Variants in ADGRG1 observed in about 807,000 individuals in gnomAD.
The protein encoded by ADGRG1 is 7-transmembrane protein with no EGF-like N-terminal domains-1.
In ADGRG1, 53 loss-of-function variants were observed where a neutral mutation model predicts 73.5. The observed-to-expected ratio is 0.72, with a 90% CI of 0.58 to 0.91. The LOEUF is 0.91. Ranked by LOEUF, ADGRG1 falls within the 40% of genes least tolerant of loss-of-function variation. The pLI is 0.00. For synonymous variants in ADGRG1, 394 were observed against 374.4 expected (o/e 1.05, Z -0.60); for missense variants, 795 against 871.8 (o/e 0.91, Z 1.11).
intron 1 of ADGRG1, among the ~76,000 whole-genome samples, chr16:57,634,779 G>C (rs1026756639): frequency 2.6e-5 from 4 of 152,218 alleles, no homozygotes; most frequent in Non-Finnish European, 5.9e-5. Flanking sequence ...AGCTTTCCTA[G>C]CCTTGGGGGA....
chr16:57,625,790 C>CA (rs1223526981), upstream of ADGRG1: 8 of 356,954 alleles, frequency 2.2e-5, no homozygotes, highest in Non-Finnish European at 2.7e-5. Context: ...TCTACACTTT[C>CA]AAAATCTTCC....
chr16:57,621,432 A>G (rs572776786), intron 2 of ADGRG1: 1 of 151,052 alleles, frequency 6.6e-6, no homozygotes, highest in East Asian at 2.0e-4. Context: ...TGATTCTCCC[A>G]GTGGGAAGTC....
At chr16:57,621,903 G>T in intron 2 of ADGRG1, 3 of 983,030 alleles carry the variant, frequency 3.1e-6, no homozygotes, top group African/African-American at 1.7e-5. Context: ...AGGAAGGGAG[G>T]TTTCTACAGA....
At chr16:57,647,365 A>T (rs2042942119) in intron 1 of ADGRG1, 1 of 982,276 alleles carries the variant, frequency 1.0e-6, no homozygotes, top group Non-Finnish European at 1.2e-6. Context: ...GCCGTACGGG[A>T]AGAGGGGGAA....
chr16:57,653,254 A>G lies in ADGRG1; in HGVS notation c.539A>G (p.Lys180Arg). Reference sequence around the variant, plus strand: ...GCCTCGGTGGACATGTGCGAGCTCAAAAGGGACCTCCAGCTGCTCAGCCAG... The same window carrying G: ...GCCTCGGTGGACATGTGCGAGCTCAGAAGGGACCTCCAGCTGCTCAGCCAG... ...HNASVDMCELKRDLQLLSQFL... is the reference protein window; with the variant it reads ...HNASVDMCELRRDLQLLSQFL... Residue 180 changes from lysine (K) to arginine (R), a missense_variant, in exon 4 of 14, where the codon AAA becomes AGA. By Grantham distance (26) the Lys-to-Arg change is conservative. Transcript: ENST00000562631. The G allele has an allele frequency of 5.6e-6, 9 of 1,612,896 alleles. No homozygotes were observed. The highest frequency in any genetic ancestry group is 1.7e-4 in the Middle Eastern group (1 of 6,060).
Position 57,656,537 on chromosome 16 carries a change from A to G in ADGRG1, c.1087A>G (p.Ser363Gly). 1 of 1,613,732 alleles carries G rather than the reference A, an allele frequency of 6.2e-7. No individual in the cohort carries two copies. The highest frequency in any genetic ancestry group is 8.5e-7 in the Non-Finnish European group (1 of 1,179,662). ...PTLSSPGHWSSAGCETVRRET... is the reference protein window; with the variant it reads ...PTLSSPGHWSGAGCETVRRET... The stretch of plus-strand genomic sequence containing the variant: ...AGTGAGCAGCCCGGGGCATTGGAGC[A>G]GTGCTGGGTGTGAGACCGTCAGGAG... Residue 363 changes from serine (S) to glycine (G), a missense_variant, in exon 9 of 14, where the codon AGT (serine) becomes GGT (glycine). By Grantham distance (56) the Ser-to-Gly change is moderately conservative. Coordinates refer to ENST00000562631, the MANE Select transcript of ADGRG1 (RefSeq NM_201525.4).
chr16:57,630,002 G>A (rs1017481742), intron 1 of ADGRG1: 55 of 985,176 alleles, frequency 5.6e-5, no homozygotes, highest in South Asian at 5.2e-4. Flanking sequence ...TGGGGTCCAC[G>A]GGCTGTGTAG....
chr16:57,637,387 G>A (rs994912741), intron 1 of ADGRG1: 2 of 985,026 alleles, frequency 2.0e-6, no homozygotes, highest in Admixed American at 6.1e-5. Flanking sequence ...TGGGGAAGCT[G>A]TGCCTCTGTT....
chr16:57,663,860 G>A lies in ADGRG1; in HGVS notation c.*278G>A. ...CTGTCCCCACATCTGTCCCAACCCAGCTGGAGGCCTGGTCTCTCCTTACAA... is the reference window on the plus strand; with the variant it reads ...CTGTCCCCACATCTGTCCCAACCCAACTGGAGGCCTGGTCTCTCCTTACAA... On this transcript the variant is annotated 3_prime_UTR_variant, in exon 14 of 14. Coordinates refer to ENST00000562631, the MANE Select transcript of ADGRG1 (RefSeq NM_201525.4). 1.9e-6 allele frequency: 1 copy of A among 525,682 alleles called. No homozygotes were observed. The highest frequency in any genetic ancestry group is 3.5e-6 in the Non-Finnish European group (1 of 289,754). 32.6% of individuals were successfully genotyped at this position (525,682 alleles called of 1,614,324 possible).
intron 13 of ADGRG1, chr16:57,662,920 G>A (rs1399299136): frequency 2.0e-6 from 2 of 985,240 alleles, no homozygotes; most frequent in African/African-American, 3.5e-5. Context: ...CCCTAGAATG[G>A]GAGCTGGGAG....
chr16:57,634,392 G>A (rs2038828180), intron 1 of ADGRG1: 2 of 985,440 alleles, frequency 2.0e-6, no homozygotes, highest in Non-Finnish European at 2.4e-6. Context: ...CTCCTCTGCT[G>A]TGTCACCATC....
At chr16:57,637,647 T>C in intron 1 of ADGRG1, 1 of 985,362 alleles carries the variant, frequency 1.0e-6, no homozygotes, top group Non-Finnish European at 1.2e-6. Flanking sequence ...GGGCCAAAAA[T>C]AGGGCCTGAA....
At chr16:57,632,928 C>T (rs766769656) in intron 1 of ADGRG1, 16 of 985,306 alleles carry the variant, frequency 1.6e-5, no homozygotes, top group Admixed American at 6.1e-5. Context: ...TTCCCAGACT[C>T]GGGGCCACTT....
intron 12 of ADGRG1, chr16:57,661,347 C>T (rs2047040277): frequency 1.0e-6 from 1 of 985,128 alleles, no homozygotes; most frequent in Non-Finnish European, 1.2e-6. Context: ...GCGGCCCTGC[C>T]TGTGGATCCC....
At chr16:57,661,657 G>T (rs111888834) in intron 12 of ADGRG1, 40 bp from the exon 13 acceptor site, 1 of 1,595,258 alleles carries the variant, frequency 6.3e-7, no homozygotes, top group Non-Finnish European at 8.5e-7. Flanking sequence ...AATGCTGCCC[G>T]TGCTGGCCAC....
intron 1 of ADGRG1, among the ~76,000 whole-genome samples, chr16:57,649,018 G>A (rs2148129785): frequency 6.6e-6 from 1 of 152,356 alleles, no homozygotes; most frequent in South Asian, 2.1e-4. Context: ...CAGATGCAGG[G>A]GTGGGATGGG....
chr16:57,649,399 G>A (rs2043465838), intron 1 of ADGRG1, among the ~76,000 whole-genome samples: 1 of 152,196 alleles, frequency 6.6e-6, no homozygotes, highest in South Asian at 2.1e-4. Context: ...CTACCTGGAG[G>A]AGGCTACTGG....
At chr16:57,651,751 G>A in intron 3 of ADGRG1, 129 bp downstream of exon 3, 1 of 1,504,838 alleles carries the variant, frequency 6.6e-7, no homozygotes, top group Admixed American at 2.0e-5. Flanking sequence ...GCACTGGGGA[G>A]CCAGTGAAGG....
chr16:57,661,907 T>A lies in ADGRG1; in HGVS notation c.1875T>A (p.Ala625=). The A allele has an allele frequency of 6.2e-7, 1 of 1,614,270 alleles. No individual in the cohort carries two copies. The highest frequency in any genetic ancestry group is 8.5e-7 in the Non-Finnish European group (1 of 1,180,050). Residue 625 remains alanine, a synonymous_variant, in exon 13 of 14, where the codon GCT becomes GCA. Transcript: ENST00000562631. ...LPWALIFFSF[A]SGTFQLVVLY... ...GGGCCTTGATCTTCTTCTCCTTTGCTTCTGGCACCTTCCAGCTTGTCGTCC... is the reference window on the plus strand; with the variant it reads ...GGGCCTTGATCTTCTTCTCCTTTGCATCTGGCACCTTCCAGCTTGTCGTCC...
Sources: allele counts gnomAD v4.1 joint callset (sites outside exome capture counted in the v4.1 genomes callset), GRCh38; gene constraint gnomAD v4.1.1; transcripts MANE v1.5; gene names NCBI Gene and HGNC (gene_info 2026-07-23, HGNC 2026-07-21).